RFX7: variants seen among roughly 807,000 people sequenced by gnomAD.
RFX7 encodes regulatory factor X7, also known as DNA-binding protein RFX7.
Under a neutral mutation model 111.8 loss-of-function variants are expected in RFX7, and 26 were observed. The observed-to-expected ratio is 0.23, with a 90% CI of 0.17 to 0.32. The LOEUF is 0.32. RFX7 is among the 10% of genes least tolerant of loss of function. The pLI is 1.00. For synonymous variants in RFX7, 624 were observed against 624.4 expected, an observed-to-expected ratio of 1.00 and a Z score of 0.01; for missense variants, 1,573 against 1,772.9, an observed-to-expected ratio of 0.89 and a Z score of 2.02.
chr15:56,217,999 AG>A (rs1203541344), intron 2 of RFX7, among the ~76,000 whole-genome samples: 15 of 152,148 alleles, frequency 9.9e-5, no homozygotes, highest in Admixed American at 8.5e-4. Flanking sequence ...GAAAACACTC[AG>A]GGGGAAAAAA....
chr15:56,154,933 G>GA (rs1226015516), intron 3 of RFX7, among the ~76,000 whole-genome samples: 52 of 151,256 alleles, frequency 3.4e-4, no homozygotes, highest in Admixed American at 1.1e-3. Flanking sequence ...AAACTTACAA[G>GA]AAAAAAAACA....
Position 56,090,868 on chromosome 15 carries a change from C to A in RFX7, c.*2477G>T, listed in dbSNP as rs2041588207. On this transcript the variant is annotated 3_prime_UTR_variant, in exon 10 of 10. Coordinates refer to ENST00000559447, the MANE Select transcript of RFX7 (RefSeq NM_022841.7). ...CAATTATATGCAAAATTATTTACTT[C>A]ATGAAGTTTTATGATAAACAGTATG... 1 of 152,550 alleles carries A rather than the reference C, an allele frequency of 6.6e-6. No homozygotes were observed. The highest frequency in any genetic ancestry group is 1.5e-5 in the Non-Finnish European group (1 of 68,020). 9.4% of individuals were successfully genotyped at this position (152,550 alleles called of 1,614,324 possible). A position where few individuals can be genotyped will look rare whatever the true frequency, so the allele number is the denominator to read the frequency against.
chr15:56,098,588 C>T (rs547547409), intron 8 of RFX7, among the ~76,000 whole-genome samples: 4 of 152,180 alleles, frequency 2.6e-5, no homozygotes, highest in South Asian at 2.1e-4. Flanking sequence ...TCAACTCAGG[C>T]GACAGTTTCA....
At chr15:56,172,063 G>A (rs2042851232) in intron 3 of RFX7, among the ~76,000 whole-genome samples, 1 of 152,074 alleles carries the variant, frequency 6.6e-6, no homozygotes, top group Non-Finnish European at 1.5e-5. Context: ...TTAAAAATGA[G>A]AATGTACCAA....
chr15:56,113,465 C>CA (rs1384370234), intron 5 of RFX7, among the ~76,000 whole-genome samples: 2 of 152,050 alleles, frequency 1.3e-5, no homozygotes, highest in Non-Finnish European at 2.9e-5. Context: ...CACATGGACA[C>CA]AGGGAGGGGA....
chr15:56,175,684 C>G (rs2042896241), intron 3 of RFX7, among the ~76,000 whole-genome samples: 4 of 152,058 alleles, frequency 2.6e-5, no homozygotes, highest in Admixed American at 2.0e-4. Flanking sequence ...AAAAAATAAA[C>G]CTTGAAGTTC....
chr15:56,190,089 A>C (rs2043085037), intron 2 of RFX7, among the ~76,000 whole-genome samples: 1 of 152,238 alleles, frequency 6.6e-6, no homozygotes. Flanking sequence ...CACCTAGAAA[A>C]GTTCATTCTA....
intron 2 of RFX7, among the ~76,000 whole-genome samples, chr15:56,185,585 A>G (rs1335389994): frequency 1.3e-5 from 2 of 152,200 alleles, no homozygotes; most frequent in African/African-American, 2.4e-5. Flanking sequence ...TACATTCTAT[A>G]TAAATAAGAC....
At chr15:56,243,092 C>T in intron 2 of RFX7, 33 bp downstream of exon 2, 1 of 1,267,424 alleles carries the variant, frequency 7.9e-7, no homozygotes, top group Non-Finnish European at 1.1e-6. Flanking sequence ...TGTGCCTGGG[C>T]TTTTTCACGC....
Position 56,095,080 on chromosome 15 carries a change from G to GT in RFX7, c.2647dup (p.Thr883AsnfsTer4). The GT allele has an allele frequency of 6.2e-7, 1 of 1,613,912 alleles. No homozygotes were observed. The highest frequency in any genetic ancestry group is 8.5e-7 in the Non-Finnish European group (1 of 1,179,856). On this transcript the variant is annotated frameshift_variant, in exon 10 of 10. Coordinates refer to ENST00000559447, the MANE Select transcript of RFX7 (RefSeq NM_022841.7). LOFTEE classifies it high-confidence loss of function. ...CAGCTCTTCCACAATACTATCTTGT[G>GT]TAAGTTCATCATCAAAAGGAAAGTA...
chr15:56,188,484 T>C (rs1163808146), intron 2 of RFX7, among the ~76,000 whole-genome samples: 1 of 152,056 alleles, frequency 6.6e-6, no homozygotes, highest in Non-Finnish European at 1.5e-5. Context: ...AACCCACACA[T>C]TGTCAAAAGG....
In RFX7 at chr15:56,135,301, G is replaced by A. The variant is rs1241452934; in HGVS notation, c.401+7477C>T. Among the ~76,000 whole-genome samples, 1,138 of 152,086 alleles carry A rather than the reference G, an allele frequency of 7.5e-3. 11 individuals are homozygous for A. Among genetic ancestry groups the A allele is most frequent in the African/African-American group, 0.026 (1,091 of 41,498 alleles). ...GTTGTTTCCTGACTTTTTAATGATC[G>A]CCATTCTAACTGGTGTGAGATGGTA... On this transcript the variant is annotated intron_variant, in intron 5 of 9. Transcript: ENST00000559447.
chr15:56,125,610 AGTGTGTGTGTGTGTGTGTGTGTGTGT>A lies in RFX7; in HGVS notation c.401+17142_401+17167del, dbSNP rs10564650. Among the ~76,000 whole-genome samples the A allele has an allele frequency of 3.6e-4, 53 of 147,050 alleles. 1 individual carries two copies. In the South Asian group the frequency reaches 0.011, roughly 31 times the overall value. ...TCTGAGGGTTTCTTCTGTGTGTGTG[AGTGTGTGTGTGTGTGTGTGTGTGTGT>A]GTGTGTGTGTATGTGGCTAACATAA... is the stretch of plus-strand genomic sequence containing the variant. On this transcript the variant is annotated intron_variant, in intron 5 of 9. Coordinates refer to ENST00000559447, the MANE Select transcript of RFX7 (RefSeq NM_022841.7).
intron 3 of RFX7, among the ~76,000 whole-genome samples, chr15:56,150,292 G>C (rs1389046149): frequency 5.9e-5 from 9 of 152,192 alleles, no homozygotes; most frequent in Non-Finnish European, 1.3e-4. Flanking sequence ...AACTCCCAGT[G>C]CAGCGTTCCA....
chr15:56,128,204 G>C (rs1348079787), intron 5 of RFX7, among the ~76,000 whole-genome samples: 1 of 152,110 alleles, frequency 6.6e-6, no homozygotes, highest in African/African-American at 2.4e-5. Flanking sequence ...TAAACTCTTT[G>C]ATAGTTTAGA....
chr15:56,088,473 C>T lies in RFX7; in HGVS notation c.*4872G>A, dbSNP rs1344887627. On this transcript the variant is annotated 3_prime_UTR_variant, in exon 10 of 10. Coordinates refer to ENST00000559447, the MANE Select transcript of RFX7 (RefSeq NM_022841.7). ...TATATTTTATTTATATGACTCTCTT[C>T]TCCTCTCCAAGAATTAAGTACTTCT... 2.0e-5 allele frequency: 3 copies of T among 152,146 alleles called. No individual in the cohort carries two copies. Among genetic ancestry groups the T allele is most frequent in the African/African-American group, 7.2e-5 (3 of 41,434 alleles). 9.4% of individuals were successfully genotyped at this position (152,146 alleles called of 1,614,324 possible).
chr15:56,105,899 T>A (rs1341769093), intron 5 of RFX7, among the ~76,000 whole-genome samples: 17 of 152,214 alleles, frequency 1.1e-4, no homozygotes, highest in Admixed American at 1.1e-3. Flanking sequence ...AAATTGTTTG[T>A]TAAGAATTCT....
Position 56,098,326 on chromosome 15 carries a change from T to A in RFX7, c.862A>T (p.Asn288Tyr). ...PSAFIPTAES[N>Y]SFQPQVKTLP... is the part of the protein sequence containing the mutation. The stretch of plus-strand genomic sequence containing the variant: ...GTCTTCACCTGAGGCTGAAAGGAAT[T>A]ACTTTCAGCTGTAGGTATAAAAGCA... The change falls in exon 9 of 10, where the codon AAT (asparagine) becomes TAT (tyrosine). Residue 288 changes from asparagine to tyrosine, a missense_variant. Around this residue, in one of 7 missense-constraint regions of RFX7, gnomAD observed 288 missense variants for 337.9 expected, o/e 0.85. Transcript: ENST00000559447. 1.2e-6 allele frequency: 2 copies of A among 1,612,430 alleles called. No homozygotes were observed. Among genetic ancestry groups the A allele is most frequent in the Non-Finnish European group, 1.7e-6 (2 of 1,178,994 alleles).
At chr15:56,180,750 C>CAAAAAAAAAA (rs869160446) in intron 2 of RFX7, among the ~76,000 whole-genome samples, 1 of 65,572 alleles carries the variant, frequency 1.5e-5, no homozygotes, top group African/African-American at 6.0e-5. Context: ...TACTAAAATA[C>CAAAAAAAAAA]AAAAAAAAAA....
Sources: gnomAD v4.1 joint callset for allele counts (sites outside exome capture counted in the v4.1 genomes callset) on GRCh38, gnomAD v4.1.1 for gene constraint, gnomAD v4.1.1 regional missense constraint, MANE v1.5 for transcripts, NCBI Gene and HGNC (gene_info 2026-07-23, HGNC 2026-07-21) for gene names.